CCDC192: variants seen among roughly 807,000 people sequenced by gnomAD.
CCDC192 encodes coiled-coil domain-containing protein 192.
intron 5 of CCDC192, among the ~76,000 whole-genome samples, chr5:127,828,161 C>T (rs1301187049): frequency 2.0e-5 from 3 of 152,206 alleles, no homozygotes; most frequent in Non-Finnish European, 4.4e-5. Flanking sequence ...CCCACCTCGG[C>T]TTCCCAAAGT....
intron 3 of CCDC192, among the ~76,000 whole-genome samples, chr5:127,790,841 C>A (rs1756828249): frequency 6.6e-6 from 1 of 152,192 alleles, no homozygotes; most frequent in South Asian, 2.1e-4. Context: ...GCATAGCTTC[C>A]TTTTTATTGC....
At chr5:127,851,413 A>G (rs1228114762) in intron 5 of CCDC192, among the ~76,000 whole-genome samples, 3 of 152,070 alleles carry the variant, frequency 2.0e-5, no homozygotes, top group Non-Finnish European at 4.4e-5. Flanking sequence ...TCAACTATTC[A>G]TATATCAACT....
At chr5:127,907,777 C>A (rs73331853) in intron 6 of CCDC192, among the ~76,000 whole-genome samples, 331 of 152,256 alleles carry the variant, frequency 2.2e-3, no homozygotes, top group African/African-American at 7.7e-3. Context: ...CATCAAAAAT[C>A]TTTGGTATGC....
chr5:127,750,533 A>C (rs1471009779), intron 2 of CCDC192, among the ~76,000 whole-genome samples: 1 of 151,380 alleles, frequency 6.6e-6, no homozygotes, highest in African/African-American at 2.4e-5. Flanking sequence ...TTTACTTCCA[A>C]GTATGTGGTC....
At chr5:127,853,304 T>C (rs1288286967) in intron 5 of CCDC192, among the ~76,000 whole-genome samples, 1 of 152,164 alleles carries the variant, frequency 6.6e-6, no homozygotes, top group Non-Finnish European at 1.5e-5. Context: ...ATATGTATAA[T>C]AATTCAAAAA....
At position 127,832,334 on chromosome 5, in the gene CCDC192, C is replaced by T. The variant is rs188601029; in HGVS notation, c.411+34172C>T. ...TCACTCTAGAGCCATGAGGCAAACT[C>T]GGATTCGGATGAAAATGCATGTGTC... On this transcript the variant is annotated intron_variant, in intron 5 of 6. Coordinates refer to ENST00000514853, the MANE Select transcript of CCDC192 (RefSeq NM_001317938.2). Among the ~76,000 whole-genome samples, 251 of 152,282 alleles carry T rather than the reference C, an allele frequency of 1.6e-3. 3 individuals are homozygous for T. The highest frequency in any genetic ancestry group is 4.1e-3 in the Admixed American group (63 of 15,288).
chr5:127,800,502 T>C (rs200397045), intron 5 of CCDC192, among the ~76,000 whole-genome samples: 4 of 151,668 alleles, frequency 2.6e-5, no homozygotes, highest in African/African-American at 9.7e-5. Context: ...GAACAGGCTG[T>C]TGTTGGTCAT....
At chr5:127,880,262 C>G (rs1233156296) in intron 6 of CCDC192, among the ~76,000 whole-genome samples, 2 of 151,912 alleles carry the variant, frequency 1.3e-5, no homozygotes, top group African/African-American at 4.8e-5. Context: ...CCATGGAATA[C>G]TATGCAGCCA....
chr5:127,937,228 A>G (rs758641404), intron 6 of CCDC192, among the ~76,000 whole-genome samples: 7 of 152,256 alleles, frequency 4.6e-5, no homozygotes, highest in South Asian at 4.2e-4. Context: ...GAACAGTACA[A>G]TGGGAATCCT....
intron 5 of CCDC192, among the ~76,000 whole-genome samples, chr5:127,863,179 G>A (rs1449154250): frequency 6.6e-6 from 1 of 152,188 alleles, no homozygotes; most frequent in Non-Finnish European, 1.5e-5. Context: ...GAAAAGGCAA[G>A]TATTGTAATT....
chr5:127,746,135 G>T (rs1457235495), intron 2 of CCDC192, among the ~76,000 whole-genome samples: 1 of 152,240 alleles, frequency 6.6e-6, no homozygotes, highest in Non-Finnish European at 1.5e-5. Context: ...AGAGCAGGGT[G>T]TGCTCACTGC....
intron 6 of CCDC192, among the ~76,000 whole-genome samples, chr5:127,936,697 C>T (rs1432109555): frequency 3.3e-5 from 5 of 152,224 alleles, no homozygotes; most frequent in African/African-American, 1.2e-4. Flanking sequence ...CTCCGTCTCA[C>T]ATAGAAGAGC....
intron 5 of CCDC192, among the ~76,000 whole-genome samples, chr5:127,826,783 T>C (rs561875602): frequency 6.6e-6 from 1 of 151,128 alleles, no homozygotes; most frequent in African/African-American, 2.4e-5. Flanking sequence ...CAAGCTAAAA[T>C]AAAAGTTGAA....
At chr5:127,724,847 C>CAAAAAA (rs71223028) in intron 2 of CCDC192, among the ~76,000 whole-genome samples, 53 of 120,906 alleles carry the variant, frequency 4.4e-4, no homozygotes, top group East Asian at 2.4e-3. Flanking sequence ...GACTCCGTCT[C>CAAAAAA]AAAAAAAAAA....
At chr5:127,795,931 G>A (rs966192811) in intron 3 of CCDC192, among the ~76,000 whole-genome samples, 4 of 152,118 alleles carry the variant, frequency 2.6e-5, no homozygotes, top group Admixed American at 6.5e-5. Context: ...GAGGAGCACC[G>A]CAGGTCTCCA....
At chr5:127,720,091 A>G (rs1751933617) in intron 2 of CCDC192, among the ~76,000 whole-genome samples, 1 of 152,120 alleles carries the variant, frequency 6.6e-6, no homozygotes, top group Non-Finnish European at 1.5e-5. Context: ...ACAATCTCCC[A>G]AGTCTTAAAT....
intron 3 of CCDC192, among the ~76,000 whole-genome samples, chr5:127,762,518 G>A (rs919416080): frequency 1.3e-5 from 2 of 152,186 alleles, no homozygotes; most frequent in African/African-American, 4.8e-5. Context: ...TGAAGAGATG[G>A]TGTTGTTTTG....
chr5:127,719,464 TAC>T (rs59235327), intron 2 of CCDC192, among the ~76,000 whole-genome samples: 1 of 110,588 alleles, frequency 9.0e-6, no homozygotes, highest in South Asian at 3.2e-4. Flanking sequence ...TACATATATA[TAC>T]AGACACATAC....
At chr5:127,860,090 C>A (rs1393475496) in intron 5 of CCDC192, among the ~76,000 whole-genome samples, 1 of 152,126 alleles carries the variant, frequency 6.6e-6, no homozygotes, top group African/African-American at 2.4e-5. Flanking sequence ...CTTCCTTGAA[C>A]CCCAGTCTCA....
Sources: allele counts gnomAD v4.1 joint callset (sites outside exome capture counted in the v4.1 genomes callset), GRCh38; gene constraint gnomAD v4.1.1; transcripts MANE v1.5; gene names NCBI Gene and HGNC (gene_info 2026-07-23, HGNC 2026-07-21).